HES7: variants seen among roughly 807,000 people sequenced by gnomAD.
HES7 encodes the protein transcription factor HES-7.
Under a neutral mutation model 18.0 loss-of-function variants are expected in HES7, and 8 were observed. The ratio of observed to expected loss-of-function variants is 0.45; its 90% CI spans 0.26 to 0.80. The LOEUF is 0.80. HES7 is among the 30% of genes least tolerant of loss of function. The pLI is 0.18. For synonymous variants in HES7, 170 were observed against 158.6 expected (o/e 1.07, Z -0.54); for missense variants, 356 against 340.9 (o/e 1.04, Z -0.35).
chr17:8,122,496 G>C lies in HES7; in HGVS notation c.139-66C>G. 3.5e-6 allele frequency: 4 copies of C among 1,139,334 alleles called. No individual in the cohort carries two copies. The South Asian group carries it at 5.3e-5, about 15-fold the overall frequency. The allele number at this position is 1,139,334 out of a possible 1,614,324, so 70.6% of individuals were successfully genotyped here. A position where few individuals can be genotyped will look rare whatever the true frequency, so the allele number is the denominator to read the frequency against. ...GGGAGAAAGGGGGAAAGTGGCAGGG[G>C]GAAGAAGGGAGGGACGGATGCGGGA... On this transcript the variant is annotated intron_variant, in intron 2 of 3. Coordinates refer to ENST00000541682, the MANE Select transcript of HES7 (RefSeq NM_001165967.2). The surrounding 1 kb of genome is among the most constrained non-coding windows in gnomAD (Gnocchi z 6.9).
At position 8,123,028 on chromosome 17, in the gene HES7, G is replaced by A. The variant is rs376311641; in HGVS notation, c.138+3C>T. ...GGGACCTAGGGCTAGCGGAGGGACTGACCTGGTCCCGGGTCCGCTCCAGCA... is the reference window on the plus strand; with the variant it reads ...GGGACCTAGGGCTAGCGGAGGGACTAACCTGGTCCCGGGTCCGCTCCAGCA... On this transcript the variant is annotated splice_donor_region_variant and intron_variant, in intron 2 of 3. Coordinates refer to ENST00000541682, the MANE Select transcript of HES7 (RefSeq NM_001165967.2). The surrounding 1 kb of genome is among the most constrained non-coding windows in gnomAD (Gnocchi z 5.9). The A allele has an allele frequency of 2.1e-5, 34 of 1,593,114 alleles. No homozygotes were observed. The highest frequency in any genetic ancestry group is 2.2e-5 in the Non-Finnish European group (26 of 1,169,460).
chr17:8,121,430 C>A lies in HES7; in HGVS notation c.*141G>T. On this transcript the variant is annotated 3_prime_UTR_variant, in exon 4 of 4. Transcript: ENST00000541682. ...TTTATATAGATACTCTAATATAGAC[C>A]ACATCTCACCCGCGCGCTGAGCCCG... 1.9e-6 allele frequency: 1 copy of A among 525,392 alleles called. No individual in the cohort carries two copies. The highest frequency in any genetic ancestry group is 3.0e-6 in the Non-Finnish European group (1 of 336,956). 32.5% of individuals were successfully genotyped at this position (525,392 alleles called of 1,614,324 possible).
At position 8,123,933 on chromosome 17, in the gene HES7, C is replaced by T; in HGVS notation, c.42+110G>A. The T allele has an allele frequency of 3.3e-6, 4 of 1,228,334 alleles. No individual in the cohort carries two copies. In the South Asian group the frequency reaches 3.7e-5, roughly 11 times the overall value. 76.1% of individuals were successfully genotyped at this position (1,228,334 alleles called of 1,614,324 possible). A position where few individuals can be genotyped will look rare whatever the true frequency, so the allele number is the denominator to read the frequency against. On this transcript the variant is annotated intron_variant, in intron 1 of 3. Transcript: ENST00000541682. The surrounding 1 kb of genome is among the most constrained non-coding windows in gnomAD (Gnocchi z 5.9). ...TCTGGCTCCTGGAGTTCTGGAGCAC[C>T]GCTCCCCTTCCACCCCTGCGTCCCC...
Position 8,122,144 on chromosome 17 carries a change from G to A in HES7, c.227-107C>T. 1 of 1,065,842 alleles carries A rather than the reference G, an allele frequency of 9.4e-7. No homozygotes were observed. The highest frequency in any genetic ancestry group is 2.7e-5 in the East Asian group (1 of 37,534). 66.0% of individuals were successfully genotyped at this position (1,065,842 alleles called of 1,614,324 possible). A position where few individuals can be genotyped will look rare whatever the true frequency, so the allele number is the denominator to read the frequency against. ...AGGCCGGACAGGCGCACAGAGACAG[G>A]AAGCCAGATGGACGGAAAGAGGGAG... is the stretch of plus-strand genomic sequence containing the variant. On this transcript the variant is annotated intron_variant, in intron 3 of 3. Coordinates refer to ENST00000541682, the MANE Select transcript of HES7 (RefSeq NM_001165967.2). This position sits in a 1 kb window ranked among gnomAD's most constrained non-coding sequence, Gnocchi z 6.9.
upstream of HES7, among the ~76,000 whole-genome samples, chr17:8,125,759 A>C (rs539004104): frequency 1.3e-5 from 2 of 152,216 alleles, no homozygotes; most frequent in Admixed American, 6.5e-5. Context: ...TTGGTGGTTC[A>C]GTGGTAGAAT....
upstream of HES7, among the ~76,000 whole-genome samples, chr17:8,125,469 C>T (rs1405644943): frequency 2.0e-5 from 3 of 152,208 alleles, no homozygotes; most frequent in African/African-American, 7.2e-5. Flanking sequence ...GCCCCCGCCG[C>T]CCCCCTCCTT....
At chr17:8,125,795 G>C (rs992946100), upstream of HES7, among the ~76,000 whole-genome samples, 20 of 152,144 alleles carry the variant, frequency 1.3e-4, no homozygotes, top group Admixed American at 3.3e-4. Flanking sequence ...GGGAGGCCCG[G>C]GTTCGATTCC....
At position 8,120,902 on chromosome 17, in the gene HES7, C is replaced by G. The variant is rs1357826300; in HGVS notation, c.*669G>C. ...TTCCCACTCTAGTACCCGTAAGCTA[C>G]AAGACGCCGCCGTTCGTCGGGTGGC... On this transcript the variant is annotated 3_prime_UTR_variant, in exon 4 of 4. Coordinates refer to ENST00000541682, the MANE Select transcript of HES7 (RefSeq NM_001165967.2). The G allele has an allele frequency of 6.5e-6, 1 of 152,708 alleles. No individual in the cohort carries two copies. The highest frequency in any genetic ancestry group is 2.4e-5 in the African/African-American group (1 of 41,470). The allele number at this position is 152,708 out of a possible 1,614,324, so 9.5% of individuals were successfully genotyped here.
At chr17:8,124,694 G>A (rs566870530), upstream of HES7, among the ~76,000 whole-genome samples, 6 of 152,282 alleles carry the variant, frequency 3.9e-5, no homozygotes, top group Admixed American at 3.9e-4. Flanking sequence ...AGGCTCGGGC[G>A]AGTCATAGTG....
At chr17:8,125,062 G>A (rs913146282), upstream of HES7, among the ~76,000 whole-genome samples, 1 of 151,936 alleles carries the variant, frequency 6.6e-6, no homozygotes, top group Admixed American at 6.6e-5. Flanking sequence ...GAAAGCAAGG[G>A]GTACAAAAAA....
Position 8,123,995 on chromosome 17 carries a change from C to A in HES7, c.42+48G>T. On this transcript the variant is annotated intron_variant, in intron 1 of 3. Transcript: ENST00000541682. This position sits in a 1 kb window ranked among gnomAD's most constrained non-coding sequence, Gnocchi z 5.9. ...AGACCGACGGCGTCAGGGGCCCAGT[C>A]CCCTAGCCAAACCAGGGACCTCTGC... The A allele has an allele frequency of 6.2e-7, 1 of 1,605,318 alleles. No homozygotes were observed.
chr17:8,125,848 A>G (rs1486189962), upstream of HES7, among the ~76,000 whole-genome samples: 2 of 152,214 alleles, frequency 1.3e-5, no homozygotes, highest in Non-Finnish European at 1.5e-5. Context: ...CCCTCCAAAA[A>G]AAGGATAATA....
chr17:8,121,593 G>A lies in HES7; in HGVS notation c.671C>T (p.Ala224Val). 1.5e-6 allele frequency: 2 copies of A among 1,311,854 alleles called. No individual in the cohort carries two copies. Among genetic ancestry groups the A allele is most frequent in the Middle Eastern group, 2.8e-4 (1 of 3,522 alleles). 81.3% of individuals were successfully genotyped at this position (1,311,854 alleles called of 1,614,324 possible). A position where few individuals can be genotyped will look rare whatever the true frequency, so the allele number is the denominator to read the frequency against. The stretch of plus-strand genomic sequence containing the variant: ...GGCTCAGGGCCAAGGTCTCCAGAAA[G>A]CGGGCGGCGGGGGCAGCGGGGCCTT... ...APKAPLPPPP[A>V]FWRPWP is the part of the protein sequence containing the mutation. The change falls in exon 4 of 4, where the codon GCT (alanine) becomes GTT (valine). Residue 224 changes from alanine to valine, a missense_variant. By Grantham distance (64) the Ala-to-Val change is moderately conservative (BLOSUM62 0). Transcript: ENST00000541682.
At position 8,121,888 on chromosome 17, in the gene HES7, C is replaced by G; in HGVS notation, c.376G>C (p.Ala126Pro). 1.8e-5 allele frequency: 28 copies of G among 1,571,324 alleles called. No homozygotes were observed. Among genetic ancestry groups the G allele is most frequent in the Non-Finnish European group, 2.4e-5 (28 of 1,169,028 alleles). Residue 126 changes from alanine (A) to proline (P), a missense_variant, in exon 4 of 4, where the codon GCG becomes CCG. Physicochemically the swap from Ala to Pro is conservative, Grantham distance 27. Transcript: ENST00000541682. ...SPAARAQLFS[A>P]LHGYLRPKPP... ...TTGGGGCGCAGATAGCCGTGCAGCG[C>G]GGAGAAGAGCTGGGCGCGGGCGGCC...
rs755082518 is a variant in HES7 at position 8,120,955 on chromosome 17, A to T, written c.*616T>A. The T allele has an allele frequency of 6.5e-6, 1 of 152,684 alleles. No individual in the cohort carries two copies. The highest frequency in any genetic ancestry group is 1.5e-5 in the Non-Finnish European group (1 of 68,052). The allele number at this position is 152,684 out of a possible 1,614,324, so 9.5% of individuals were successfully genotyped here. A position where few individuals can be genotyped will look rare whatever the true frequency, so the allele number is the denominator to read the frequency against. ...TGTGGCGCAATGGATAGCGCATTGG[A>T]CTTCTAGTGACGAATAGAGCAATTC... On this transcript the variant is annotated 3_prime_UTR_variant, in exon 4 of 4. Coordinates refer to ENST00000541682, the MANE Select transcript of HES7 (RefSeq NM_001165967.2).
chr17:8,121,970 C>T lies in HES7; in HGVS notation c.294G>A (p.Leu98=), dbSNP rs1334890954. ...GAAGCAGGCACTCGCGGAAACCGGA[C>T]AAGTAGCAGCTGGCGAGCGCCTCGG... ...QDAEALASCY[L]SGFRECLLRL... The change falls in exon 4 of 4, where the codon TTG becomes TTA. Residue 98 remains leucine, a synonymous_variant. Coordinates refer to ENST00000541682, the MANE Select transcript of HES7 (RefSeq NM_001165967.2). 2 of 1,548,254 alleles carry T rather than the reference C, an allele frequency of 1.3e-6. No homozygotes were observed. Among genetic ancestry groups the T allele is most frequent in the East Asian group, 2.5e-5 (1 of 40,522 alleles).
In HES7 at chr17:8,121,561, C is replaced by T. The variant is rs966418854; in HGVS notation, c.*10G>A. On this transcript the variant is annotated 3_prime_UTR_variant, in exon 4 of 4. Coordinates refer to ENST00000541682, the MANE Select transcript of HES7 (RefSeq NM_001165967.2). ...CACCCCTAGACCCCGCCCCCACCAC[C>T]CCCCAAGGCTCAGGGCCAAGGTCTC... 2.3e-6 allele frequency: 3 copies of T among 1,294,892 alleles called. No homozygotes were observed. In the Admixed American group the frequency reaches 1.3e-4, roughly 54 times the overall value. 80.2% of individuals were successfully genotyped at this position (1,294,892 alleles called of 1,614,324 possible). A position where few individuals can be genotyped will look rare whatever the true frequency, so the allele number is the denominator to read the frequency against.
In HES7 at chr17:8,121,916, G is replaced by C; in HGVS notation, c.348C>G (p.Ser116Arg). The C allele has an allele frequency of 6.4e-7, 1 of 1,566,924 alleles. No homozygotes were observed. The highest frequency in any genetic ancestry group is 1.4e-5 in the African/African-American group (1 of 71,422). The change falls in exon 4 of 4, where the codon AGC becomes AGG. Residue 116 changes from serine to arginine, a missense_variant. Transcript: ENST00000541682. ...LRLAAFAHDA[S>R]PAARAQLFSA... ...AGAAGAGCTGGGCGCGGGCGGCCGG[G>C]CTGGCGTCGTGCGCGAAGGCCGCCA... is the stretch of plus-strand genomic sequence containing the variant.
Position 8,122,277 on chromosome 17 carries a change from C to A in HES7, c.226+66G>T. The A allele has an allele frequency of 7.2e-7, 1 of 1,393,194 alleles. No individual in the cohort carries two copies. 86.3% of individuals were successfully genotyped at this position (1,393,194 alleles called of 1,614,324 possible). On this transcript the variant is annotated intron_variant, in intron 3 of 3. Transcript: ENST00000541682. This position sits in a 1 kb window ranked among gnomAD's most constrained non-coding sequence, Gnocchi z 6.9. Reference sequence around the variant, plus strand: ...CCATCCACCGCAGGGCCCGCCCACTCTGCCCCGGCCGGAGCCTCCTGGCGT... The same window carrying A: ...CCATCCACCGCAGGGCCCGCCCACTATGCCCCGGCCGGAGCCTCCTGGCGT...
Sources: gnomAD v4.1 joint callset for allele counts (sites outside exome capture counted in the v4.1 genomes callset) on GRCh38, gnomAD v4.1.1 for gene constraint, Gnocchi (gnomAD v3.1) non-coding constraint, MANE v1.5 for transcripts, NCBI Gene and HGNC (gene_info 2026-07-23, HGNC 2026-07-21) for gene names.